The following ANKRD36 variants were observed in gnomAD, a reference collection of about 807,000 sequenced individuals.
ANKRD36 encodes ankyrin repeat domain 36.
Under a neutral mutation model 278.1 loss-of-function variants are expected in ANKRD36, and 179 were observed. That is an observed-to-expected ratio of 0.64 (90% confidence interval 0.57 to 0.73). The LOEUF (loss-of-function observed/expected upper bound fraction) is 0.73, where lower values mean the gene tolerates loss of function less well. Among genes scored for constraint, ANKRD36 ranks in the 30% least tolerant of loss-of-function variants. The pLI is 0.00. For synonymous variants in ANKRD36, 320 were observed against 641.1 expected (o/e 0.50, Z 7.57); for missense variants, 1,159 against 1,956.7 (o/e 0.59, Z 7.69).
chr2:97,128,744 T>G (rs904061277), intron 6 of ANKRD36, among the ~76,000 whole-genome samples: 3 of 151,916 alleles, frequency 2.0e-5, no homozygotes, highest in Non-Finnish European at 2.9e-5. Flanking sequence ...ATCTGCTCCT[T>G]GTGGAAATAC....
In ANKRD36 at chr2:97,209,045, C is replaced by T. The variant is rs536434213; in HGVS notation, c.3266-636C>T. Among the ~76,000 whole-genome samples, 9 of 146,498 alleles carry T rather than the reference C, an allele frequency of 6.1e-5. 1 individual carries two copies. The highest frequency in any genetic ancestry group is 4.0e-4 in the East Asian group (2 of 5,062). ...TGCCAAGAGTGGATGAAGAAGCTTT[C>T]GGAAGGCTAAACTAGTGGATACAAG... On this transcript the variant is annotated intron_variant, in intron 54 of 75. Coordinates refer to ENST00000420699, the MANE Select transcript of ANKRD36 (RefSeq NM_001354587.1).
intron 67 of ANKRD36, among the ~76,000 whole-genome samples, chr2:97,228,996 G>C (rs2070940623): frequency 6.6e-6 from 1 of 152,140 alleles, no homozygotes; most frequent in Non-Finnish European, 1.5e-5. Context: ...ACTGTGGTCT[G>C]ACAGACACTT....
chr2:97,183,564 G>C lies in ANKRD36; in HGVS notation c.1867-18G>C. ...ATATGTATTATATATTGACTATTTT[G>C]TTTCTCTTTCCATTCAGGTTATATT... On this transcript the variant is annotated intron_variant, in intron 27 of 75. Transcript: ENST00000420699. 6.4e-7 allele frequency: 1 copy of C among 1,552,438 alleles called. No homozygotes were observed. Among genetic ancestry groups the C allele is most frequent in the Non-Finnish European group, 8.7e-7 (1 of 1,148,822 alleles).
intron 6 of ANKRD36, among the ~76,000 whole-genome samples, chr2:97,127,526 A>G (rs1170110629): frequency 6.6e-6 from 1 of 151,950 alleles, no homozygotes; most frequent in Non-Finnish European, 1.5e-5. Flanking sequence ...ATCAATAATT[A>G]CAGTTGGCCC....
intron 36 of ANKRD36, among the ~76,000 whole-genome samples, chr2:97,191,849 A>G (rs1225534485): frequency 6.6e-6 from 1 of 151,740 alleles, no homozygotes; most frequent in Non-Finnish European, 1.5e-5. Context: ...GTTTGTTAGC[A>G]TTAGGCATCA....
intron 17 of ANKRD36, among the ~76,000 whole-genome samples, chr2:97,159,230 G>T (rs2048252780): frequency 6.6e-6 from 1 of 151,928 alleles, no homozygotes; most frequent in Admixed American, 6.6e-5. Flanking sequence ...TTTTAATAAA[G>T]GATTGGAAGA....
chr2:97,113,635 G>A lies in ANKRD36; in HGVS notation c.-105G>A, dbSNP rs537622043. Reference sequence around the variant, plus strand: ...GCGGGAGGCGCTGAGAGTCTGTGCGGAGGTCCGTGGACAGACTGCTTTGCT... The same window carrying A: ...GCGGGAGGCGCTGAGAGTCTGTGCGAAGGTCCGTGGACAGACTGCTTTGCT... On this transcript the variant is annotated 5_prime_UTR_variant, in exon 1 of 76. Transcript: ENST00000420699. 6.9e-5 allele frequency: 100 copies of A among 1,441,634 alleles called. No homozygotes were observed. The highest frequency in any genetic ancestry group is 4.5e-4 in the Middle Eastern group (2 of 4,452). 89.3% of individuals were successfully genotyped at this position (1,441,634 alleles called of 1,614,324 possible).
intron 28 of ANKRD36, 72 bp downstream of exon 28, chr2:97,183,726 C>G: frequency 6.8e-7 from 1 of 1,466,820 alleles, no homozygotes; most frequent in Non-Finnish European, 9.2e-7. Flanking sequence ...CTGAATAGAT[C>G]AGTGGGGTGT....
intron 67 of ANKRD36, among the ~76,000 whole-genome samples, chr2:97,228,186 G>A (rs1278204799): frequency 1.3e-5 from 2 of 152,074 alleles, no homozygotes; most frequent in African/African-American, 4.8e-5. Context: ...TTTTTCTATT[G>A]ATTGGAATAG....
At chr2:97,174,042 ATG>A (rs2053498603) in intron 22 of ANKRD36, among the ~76,000 whole-genome samples, 1 of 151,304 alleles carries the variant, frequency 6.6e-6, no homozygotes, top group South Asian at 2.1e-4. Flanking sequence ...ATCATGACAT[ATG>A]TATATATATG....
In ANKRD36 at chr2:97,208,950, T is replaced by C. The variant is rs139177957; in HGVS notation, c.3266-731T>C. Among the ~76,000 whole-genome samples, 1,465 of 146,682 alleles carry C rather than the reference T, an allele frequency of 1.0e-2. 19 individuals carry two copies. The highest frequency in any genetic ancestry group is 0.036 in the African/African-American group (1,362 of 37,686). The stretch of plus-strand genomic sequence containing the variant: ...TAATATCTAATGCTTGTAGCCATTT[T>C]ACTTTGTAGACGTATGTCAAAGTTG... On this transcript the variant is annotated intron_variant, in intron 54 of 75. Coordinates refer to ENST00000420699, the MANE Select transcript of ANKRD36 (RefSeq NM_001354587.1).
chr2:97,208,768 C>G (rs1185760998), intron 54 of ANKRD36, among the ~76,000 whole-genome samples: 1 of 146,426 alleles, frequency 6.8e-6, no homozygotes, highest in Non-Finnish European at 1.5e-5. Flanking sequence ...GGAGCTACCT[C>G]GTGGATAAAA....
intron 58 of ANKRD36, 69 bp downstream of exon 58, chr2:97,211,810 A>T: frequency 6.8e-7 from 1 of 1,479,594 alleles, no homozygotes; most frequent in Non-Finnish European, 9.2e-7. Context: ...CACCAAATAA[A>T]ACAGCGGGGG....
At chr2:97,194,491 G>C (rs773973711) in intron 38 of ANKRD36, among the ~76,000 whole-genome samples, 8 of 151,422 alleles carry the variant, frequency 5.3e-5, no homozygotes, top group Admixed American at 2.6e-4. Context: ...TTTAGCTTTC[G>C]ACACATAAAA....
Position 97,196,579 on chromosome 2 carries a change from CT to C in ANKRD36, c.2552-10del. On this transcript the variant is annotated splice_polypyrimidine_tract_variant and intron_variant, in intron 40 of 75. Transcript: ENST00000420699. ...TTTATGTATGACTGATTATGAATCC[CT>C]TTTGCTTTTCAGTGTCTTCTCAGAA... 1 of 1,604,670 alleles carries C rather than the reference CT, an allele frequency of 6.2e-7. No individual in the cohort carries two copies.
chr2:97,166,946 C>A (rs907626611), intron 20 of ANKRD36, among the ~76,000 whole-genome samples: 10 of 152,204 alleles, frequency 6.6e-5, no homozygotes, highest in African/African-American at 2.2e-4. Flanking sequence ...TAAAATGTAA[C>A]TGTCGATAAT....
Position 97,207,978 on chromosome 2 carries a change from A to G in ANKRD36, c.3237A>G (p.Gly1079=). Residue 1079 remains glycine (G), a synonymous_variant, in exon 54 of 76, where the codon GGA becomes GGG. Coordinates refer to ENST00000420699, the MANE Select transcript of ANKRD36 (RefSeq NM_001354587.1). The part of the protein sequence containing the change: ...EKDSVLNIAR[G]KKYGEKTKRV... ...ATTCTGTTTTGAATATAGCCAGAGG[A>G]AAAAAGTATGGAGAAAAAACTAAGA... is the stretch of plus-strand genomic sequence containing the variant. 6.6e-7 allele frequency: 1 copy of G among 1,523,374 alleles called. No individual in the cohort carries two copies. 94.4% of individuals were successfully genotyped at this position (1,523,374 alleles called of 1,614,324 possible). A position where few individuals can be genotyped will look rare whatever the true frequency, so the allele number is the denominator to read the frequency against.
chr2:97,173,930 G>A (rs1374876523), intron 22 of ANKRD36, among the ~76,000 whole-genome samples: 1 of 150,576 alleles, frequency 6.6e-6, no homozygotes, highest in Non-Finnish European at 1.5e-5. Context: ...AAGAACCTGA[G>A]AGACCCCGAT....
Position 97,113,691 on chromosome 2 carries a change from G to A in ANKRD36, c.-49G>A. Reference sequence around the variant, plus strand: ...TTGCTCTTCGGAGGCGGCGATCCCCGAAGGCGAGCTGAAATACGGCTGCAG... The same window carrying A: ...TTGCTCTTCGGAGGCGGCGATCCCCAAAGGCGAGCTGAAATACGGCTGCAG... On this transcript the variant is annotated 5_prime_UTR_variant, in exon 1 of 76. Transcript: ENST00000420699. 1 of 1,610,112 alleles carries A rather than the reference G, an allele frequency of 6.2e-7. No individual in the cohort carries two copies. The highest frequency in any genetic ancestry group is 8.5e-7 in the Non-Finnish European group (1 of 1,179,132).
Sources: gnomAD v4.1 joint callset for allele counts (sites outside exome capture counted in the v4.1 genomes callset) on GRCh38, gnomAD v4.1.1 for gene constraint, MANE v1.5 for transcripts, NCBI Gene and HGNC (gene_info 2026-07-23, HGNC 2026-07-21) for gene names.